The following PCDHGB4 variants were observed in gnomAD, a reference collection of about 807,000 sequenced individuals.
PCDHGB4 encodes protocadherin gamma subfamily B, 4, also known as protocadherin gamma-B4.
Under a neutral mutation model 60.5 loss-of-function variants are expected in PCDHGB4, and 38 were observed. The observed-to-expected ratio is 0.63, with a 90% CI of 0.48 to 0.82. PCDHGB4 has a LOEUF of 0.82. Ranked by LOEUF, PCDHGB4 falls within the 40% of genes least tolerant of loss-of-function variation. The probability of loss-of-function intolerance (pLI) is 0.00; values close to 1 mark genes in which losing one functional copy is unlikely to be tolerated. For synonymous variants in PCDHGB4, 456 were observed against 509.7 expected (o/e 0.89, Z 1.42); for missense variants, 1,109 against 1,209.6 (o/e 0.92, Z 1.23).
rs768635851 is a variant in PCDHGB4 at position 141,489,334 on chromosome 5, C to G, written c.2398-5473C>G. 2 of 1,606,614 alleles carry G rather than the reference C, an allele frequency of 1.2e-6. No individual in the cohort carries two copies. Among genetic ancestry groups the G allele is most frequent in the Non-Finnish European group, 1.7e-6 (2 of 1,175,584 alleles). On this transcript the variant is annotated intron_variant, in intron 1 of 3. Coordinates refer to ENST00000519479, the MANE Select transcript of PCDHGB4 (RefSeq NM_003736.4). The surrounding 1 kb of genome is among the most constrained non-coding windows in gnomAD (Gnocchi z 4.5). Reference sequence around the variant, plus strand: ...CTGGGGCTGGGTGTCTGGGCAGCTTCGTTACTCAGTGGTGGAGGAGTCTGA... The same window carrying G: ...CTGGGGCTGGGTGTCTGGGCAGCTTGGTTACTCAGTGGTGGAGGAGTCTGA...
intron 1 of PCDHGB4, chr5:141,418,984 C>T: frequency 6.2e-7 from 1 of 1,613,930 alleles, no homozygotes; most frequent in African/African-American, 1.3e-5. Flanking sequence ...GGGACCAAGA[C>T]TCAGGGGAAA....
intron 2 of PCDHGB4, among the ~76,000 whole-genome samples, chr5:141,495,521 C>G (rs1385879589): frequency 6.6e-6 from 1 of 152,144 alleles, no homozygotes; most frequent in Non-Finnish European, 1.5e-5. Flanking sequence ...TTTCTCTTAC[C>G]TCTCAGTCCT....
intron 1 of PCDHGB4, chr5:141,433,007 C>CT: frequency 6.2e-7 from 1 of 1,614,198 alleles, no homozygotes; most frequent in Non-Finnish European, 8.5e-7. Context: ...GCAGGCTTTC[C>CT]TGCAGACCTA....
intron 1 of PCDHGB4, among the ~76,000 whole-genome samples, chr5:141,484,544 A>G (rs1160398392): frequency 6.6e-6 from 1 of 152,144 alleles, no homozygotes; most frequent in Non-Finnish European, 1.5e-5. Flanking sequence ...CAGTGGTTCT[A>G]ATTAGCAGTT....
chr5:141,459,260 T>G (rs551625614), intron 1 of PCDHGB4, among the ~76,000 whole-genome samples: 1 of 152,344 alleles, frequency 6.6e-6, no homozygotes, highest in South Asian at 2.1e-4. Flanking sequence ...TAAATTAGTG[T>G]TGCCTCTTTC....
In PCDHGB4 at chr5:141,423,241, G is replaced by T. The variant is rs1485226833; in HGVS notation, c.2397+32960G>T. The T allele has an allele frequency of 6.8e-6, 11 of 1,613,836 alleles. No individual in the cohort carries two copies. The Admixed American group carries it at 1.5e-4, about 22-fold the overall frequency. On this transcript the variant is annotated intron_variant, in intron 1 of 3. Transcript: ENST00000519479. ...GGCTGTGGCCGACAGCATCCCCGAAGTCCTGGCGGACCTCGGCAGCCTCGA... is the reference window on the plus strand; with the variant it reads ...GGCTGTGGCCGACAGCATCCCCGAATTCCTGGCGGACCTCGGCAGCCTCGA...
At chr5:141,422,789 TC>T (rs1561803924) in intron 1 of PCDHGB4, 44 of 1,614,158 alleles carry the variant, frequency 2.7e-5, no homozygotes, top group Non-Finnish European at 3.6e-5. Context: ...CTACAATCCT[TC>T]GACTATGAGC....
chr5:141,392,248 A>G (rs2092491180), intron 1 of PCDHGB4: 3 of 152,220 alleles, frequency 2.0e-5, no homozygotes, highest in Admixed American at 2.0e-4. Flanking sequence ...ATTTGTTAGT[A>G]TATATTGGAG....
intron 1 of PCDHGB4, among the ~76,000 whole-genome samples, chr5:141,459,789 G>A (rs960868607): frequency 6.6e-6 from 1 of 152,206 alleles, no homozygotes; most frequent in Non-Finnish European, 1.5e-5. Context: ...AGTTTCAACT[G>A]TTTTTCCCTG....
rs1316631653 is a variant in PCDHGB4 at position 141,388,751 on chromosome 5, A to G, written c.867A>G (p.Gln289=). The G allele has an allele frequency of 4.3e-6, 7 of 1,613,980 alleles. No homozygotes were observed. In the Admixed American group the frequency reaches 5.0e-5, roughly 12 times the overall value. ...TCAGTGAAGCTAGCCAGATCACCCAATTTGACCTGAACTCTAACACCGGGG... is the reference window on the plus strand; with the variant it reads ...TCAGTGAAGCTAGCCAGATCACCCAGTTTGACCTGAACTCTAACACCGGGG... ...FSFSEASQIT[Q]FDLNSNTGEI... Residue 289 remains glutamine (Q), a synonymous_variant, in exon 1 of 4, where the codon CAA becomes CAG. Coordinates refer to ENST00000519479, the MANE Select transcript of PCDHGB4 (RefSeq NM_003736.4).
At chr5:141,507,557 C>T (rs959957585) in intron 3 of PCDHGB4, among the ~76,000 whole-genome samples, 5 of 152,250 alleles carry the variant, frequency 3.3e-5, no homozygotes, top group Middle Eastern at 3.4e-3. Flanking sequence ...AAGTGGCAGG[C>T]GGCTGGGTCT....
In PCDHGB4 at chr5:141,510,272, T is replaced by TAAA. The variant is rs546154379; in HGVS notation, c.2546-658_2546-656dup. 1.5e-3 allele frequency among the ~76,000 whole-genome samples: 198 copies of TAAA among 130,372 alleles called. 1 individual carries two copies. Among genetic ancestry groups the TAAA allele is most frequent in the Non-Finnish European group, 2.8e-3 (172 of 61,058 alleles). The allele number at this position is 130,372 out of a possible 152,430, so 85.5% of individuals were successfully genotyped here. ...TGGGCGACAGAGCAGGACTCCATCTTAAAAAAAAAAAAAAAAAAATGCTGT... is the reference window on the plus strand; with the variant it reads ...TGGGCGACAGAGCAGGACTCCATCTTAAAAAAAAAAAAAAAAAAAAAATGCTGT... On this transcript the variant is annotated intron_variant, in intron 3 of 3. Coordinates refer to ENST00000519479, the MANE Select transcript of PCDHGB4 (RefSeq NM_003736.4).
At position 141,432,908 on chromosome 5, in the gene PCDHGB4, C is replaced by A. The variant is rs757934634; in HGVS notation, c.2397+42627C>A. On this transcript the variant is annotated intron_variant, in intron 1 of 3. Coordinates refer to ENST00000519479, the MANE Select transcript of PCDHGB4 (RefSeq NM_003736.4). This position sits in a 1 kb window ranked among gnomAD's most constrained non-coding sequence, Gnocchi z 6.0. ...CATCTTGCTGCTGGCGCTCAGGCTGCGGCGCTGGCACAAGTCACGCCTGCT... is the reference window on the plus strand; with the variant it reads ...CATCTTGCTGCTGGCGCTCAGGCTGAGGCGCTGGCACAAGTCACGCCTGCT... The A allele has an allele frequency of 1.6e-5, 26 of 1,614,168 alleles. No individual in the cohort carries two copies. Among genetic ancestry groups the A allele is most frequent in the Middle Eastern group, 1.7e-4 (1 of 6,060 alleles).
rs1242637725 is a variant in PCDHGB4 at position 141,432,619 on chromosome 5, T to G, written c.2397+42338T>G. 3.1e-6 allele frequency: 5 copies of G among 1,612,618 alleles called. No homozygotes were observed. The highest frequency in any genetic ancestry group is 1.7e-5 in the Admixed American group (1 of 59,934). On this transcript the variant is annotated intron_variant, in intron 1 of 3. Transcript: ENST00000519479. This position sits in a 1 kb window ranked among gnomAD's most constrained non-coding sequence, Gnocchi z 6.0. ...GCGAGCCGGGACTCTTCTCGGTGGG[T>G]CTGCACACGGGCGAGGTGCGCACGG... is the stretch of plus-strand genomic sequence containing the variant.
intron 1 of PCDHGB4, chr5:141,408,888 A>G: frequency 1.2e-6 from 2 of 1,613,352 alleles, no homozygotes; most frequent in Non-Finnish European, 1.7e-6. Context: ...GCTCACATAG[A>G]AATTTCTGTC....
At chr5:141,410,675 T>A in intron 1 of PCDHGB4, 1 of 1,551,642 alleles carries the variant, frequency 6.4e-7, no homozygotes, top group Non-Finnish European at 8.6e-7. Context: ...GTTTCTCATA[T>A]TTTAGGCATA....
intron 1 of PCDHGB4, chr5:141,404,885 G>C: frequency 1.2e-6 from 2 of 1,613,906 alleles, no homozygotes; most frequent in Non-Finnish European, 1.7e-6. Context: ...CCTTGTGGTG[G>C]CTGTACAGGA....
intron 1 of PCDHGB4, chr5:141,430,848 A>G (rs780445178): frequency 1.3e-6 from 2 of 1,581,028 alleles, no homozygotes; most frequent in Admixed American, 1.8e-5. Flanking sequence ...GGATGCACCC[A>G]GATACGCTAT....
intron 1 of PCDHGB4, chr5:141,422,893 C>A (rs1405800318): frequency 4.3e-6 from 7 of 1,614,246 alleles, no homozygotes; most frequent in Non-Finnish European, 5.9e-6. Context: ...CGTGCTGGAC[C>A]AGAACGACAA....
Sources: allele counts gnomAD v4.1 joint callset (sites outside exome capture counted in the v4.1 genomes callset), GRCh38; gene constraint gnomAD v4.1.1; non-coding constraint Gnocchi (gnomAD v3.1); transcripts MANE v1.5; gene names NCBI Gene and HGNC (gene_info 2026-07-23, HGNC 2026-07-21).